Variants in KCNH7 observed in about 807,000 individuals in gnomAD.
The protein encoded by KCNH7 is potassium voltage-gated channel subfamily H member 7.
A neutral mutation model predicts 120.8 loss-of-function variants in KCNH7; 49 were observed. That is an observed-to-expected ratio of 0.41 (90% CI 0.32 to 0.51). The LOEUF (loss-of-function observed/expected upper bound fraction) is 0.51, where lower values mean the gene tolerates loss of function less well. KCNH7 is among the 20% of genes least tolerant of loss of function. KCNH7 has a pLI of 0.38. For missense variants in KCNH7, 1,097 were observed against 1,446.6 expected (o/e 0.76, Z 3.92); for synonymous variants, 547 against 516.1 (o/e 1.06, Z -0.81).
chr2:162,520,690 GC>G (rs1558992078), intron 3 of KCNH7, among the ~76,000 whole-genome samples: 1 of 151,822 alleles, frequency 6.6e-6, no homozygotes, highest in Non-Finnish European at 1.5e-5. Context: ...GATAGATTGA[GC>G]CTATGAGTTT....
At chr2:162,661,923 C>G (rs941743873) in intron 2 of KCNH7, among the ~76,000 whole-genome samples, 5 of 151,846 alleles carry the variant, frequency 3.3e-5, no homozygotes, top group Non-Finnish European at 7.4e-5. Flanking sequence ...AATAAGGGAG[C>G]AATTCCAAAC....
intron 4 of KCNH7, among the ~76,000 whole-genome samples, chr2:162,514,486 A>C (rs1289499904): frequency 6.6e-6 from 1 of 151,800 alleles, no homozygotes; most frequent in Non-Finnish European, 1.5e-5. Flanking sequence ...TACAGCTTTG[A>C]CCTTCCAAGG....
chr2:162,667,451 G>A (rs1283817590), intron 2 of KCNH7, among the ~76,000 whole-genome samples: 2 of 151,944 alleles, frequency 1.3e-5, no homozygotes, highest in Non-Finnish European at 2.9e-5. Flanking sequence ...CCTCACCATG[G>A]CCTATATACT....
At chr2:162,785,481 TACA>T (rs769928313) in intron 2 of KCNH7, among the ~76,000 whole-genome samples, 3 of 152,248 alleles carry the variant, frequency 2.0e-5, no homozygotes, top group South Asian at 2.1e-4. Flanking sequence ...TCGGAAGTTT[TACA>T]ACATTTCACT....
chr2:162,754,499 G>T (rs1688719190), intron 2 of KCNH7, among the ~76,000 whole-genome samples: 1 of 152,136 alleles, frequency 6.6e-6, no homozygotes, highest in South Asian at 2.1e-4. Context: ...AACAGGAAGA[G>T]AGACTGAGGT....
At chr2:162,635,457 T>C (rs1683922562) in intron 2 of KCNH7, among the ~76,000 whole-genome samples, 1 of 152,058 alleles carries the variant, frequency 6.6e-6, no homozygotes, top group South Asian at 2.1e-4. Flanking sequence ...CAGATTGATC[T>C]GGGGTGCTCT....
intron 3 of KCNH7, among the ~76,000 whole-genome samples, chr2:162,536,355 T>C (rs914123405): frequency 1.3e-5 from 2 of 151,904 alleles, no homozygotes; most frequent in Non-Finnish European, 2.9e-5. Flanking sequence ...ACTCATAGAA[T>C]AAATATAAAC....
chr2:162,455,373 C>G (rs1047041072), intron 6 of KCNH7, among the ~76,000 whole-genome samples: 1 of 152,122 alleles, frequency 6.6e-6, no homozygotes, highest in African/African-American at 2.4e-5. Context: ...CAATGTTCAT[C>G]AGGGATATTG....
chr2:162,807,894 G>T (rs2105560128), intron 2 of KCNH7, among the ~76,000 whole-genome samples: 1 of 152,262 alleles, frequency 6.6e-6, no homozygotes, highest in African/African-American at 2.4e-5. Flanking sequence ...ATATTGGCCA[G>T]GCTGGTCTCG....
At chr2:162,743,504 AAACTTACT>A (rs1273625695) in intron 2 of KCNH7, among the ~76,000 whole-genome samples, 22 of 152,300 alleles carry the variant, frequency 1.4e-4, no homozygotes, top group African/African-American at 4.8e-4. Flanking sequence ...TACAGAGCAC[AAACTTACT>A]AACAGAAGTA....
intron 2 of KCNH7, among the ~76,000 whole-genome samples, chr2:162,741,298 A>G (rs931204492): frequency 2.7e-5 from 4 of 149,714 alleles, no homozygotes; most frequent in African/African-American, 7.3e-5. Flanking sequence ...CATATTAATA[A>G]CATATGTTAT....
At chr2:162,733,888 G>A (rs1169530252) in intron 2 of KCNH7, among the ~76,000 whole-genome samples, 1 of 152,096 alleles carries the variant, frequency 6.6e-6, no homozygotes, top group Non-Finnish European at 1.5e-5. Context: ...TAAATTGAAT[G>A]TAAATTAATA....
At chr2:162,735,844 A>C (rs2105399869) in intron 2 of KCNH7, among the ~76,000 whole-genome samples, 1 of 152,312 alleles carries the variant, frequency 6.6e-6, no homozygotes, top group South Asian at 2.1e-4. Context: ...TTTCTGAGCA[A>C]TGGGCAAGAA....
At chr2:162,573,635 C>T (rs999425277) in intron 2 of KCNH7, among the ~76,000 whole-genome samples, 5 of 151,798 alleles carry the variant, frequency 3.3e-5, no homozygotes, top group South Asian at 2.1e-4. Flanking sequence ...AAAAGTATTT[C>T]GGCCACCTTT....
chr2:162,637,089 C>A (rs1370894953), intron 2 of KCNH7, among the ~76,000 whole-genome samples: 1 of 152,130 alleles, frequency 6.6e-6, no homozygotes, highest in Non-Finnish European at 1.5e-5. Flanking sequence ...TCCCCCATGA[C>A]TTTGCCTACA....
intron 2 of KCNH7, among the ~76,000 whole-genome samples, chr2:162,625,789 T>C (rs1316001057): frequency 6.6e-6 from 1 of 151,992 alleles, no homozygotes; most frequent in African/African-American, 2.4e-5. Context: ...CAGGAAATAA[T>C]TAAGAAAATT....
In KCNH7 at chr2:162,838,550, C is replaced by G; in HGVS notation, c.-32G>C. 6.3e-7 allele frequency: 1 copy of G among 1,578,704 alleles called. No individual in the cohort carries two copies. The highest frequency in any genetic ancestry group is 8.7e-7 in the Non-Finnish European group (1 of 1,152,956). On this transcript the variant is annotated 5_prime_UTR_variant, in exon 1 of 16. Coordinates refer to ENST00000332142, the MANE Select transcript of KCNH7 (RefSeq NM_033272.4). The stretch of plus-strand genomic sequence containing the variant: ...CCCGGTCTTCCGAGGAGCGCTCCCC[C>G]GGAGCTCTGGAGTTCTCCCGGGATC...
intron 2 of KCNH7, among the ~76,000 whole-genome samples, chr2:162,633,696 G>A (rs1364864954): frequency 6.6e-6 from 1 of 151,748 alleles, no homozygotes; most frequent in African/African-American, 2.4e-5. Context: ...TTTACTAGGG[G>A]CCATTTTGAA....
intron 10 of KCNH7, among the ~76,000 whole-genome samples, chr2:162,398,966 A>C (rs890211302): frequency 6.6e-6 from 1 of 151,904 alleles, no homozygotes. Context: ...TCATGTGAGC[A>C]TCTTTATTCA....
Sources: allele counts gnomAD v4.1 joint callset (sites outside exome capture counted in the v4.1 genomes callset), GRCh38; gene constraint gnomAD v4.1.1; transcripts MANE v1.5; gene names NCBI Gene and HGNC (gene_info 2026-07-23, HGNC 2026-07-21).